Variants in ABL1 observed in about 807,000 individuals in gnomAD.
ABL1 encodes the protein tyrosine-protein kinase ABL1.
Under a neutral mutation model 94.7 loss-of-function variants are expected in ABL1, and 11 were observed. The ratio of observed to expected loss-of-function variants is 0.12; its 90% confidence interval spans 0.07 to 0.19. The LOEUF (loss-of-function observed/expected upper bound fraction) is 0.19, where lower values mean the gene tolerates loss of function less well. Among genes scored for constraint, ABL1 ranks in the 10% least tolerant of loss-of-function variants. The pLI is 1.00. For missense variants in ABL1, 1,082 were observed against 1,489.4 expected (o/e 0.73, Z 4.50); for synonymous variants, 656 against 622.4 (o/e 1.05, Z -0.80).
chr9:130,858,035 C>T (rs753383392), intron 3 of ABL1, among the ~76,000 whole-genome samples: 11 of 152,182 alleles, frequency 7.2e-5, no homozygotes, highest in Non-Finnish European at 1.2e-4. Flanking sequence ...TTTTCTGGAG[C>T]AGACAGCTTG....
chr9:130,722,200 C>T (rs1831525536), intron 1 of ABL1, among the ~76,000 whole-genome samples: 2 of 152,008 alleles, frequency 1.3e-5, no homozygotes, highest in African/African-American at 2.4e-5. Flanking sequence ...CGAGACCAGC[C>T]TGACCAACAT....
chr9:130,724,747 TAAAAAAA>T (rs34124679), intron 1 of ABL1: 40 of 310,220 alleles, frequency 1.3e-4, no homozygotes, highest in Middle Eastern at 2.7e-3. Context: ...ACCCTGTCTT[TAAAAAAA>T]AAAAAAAAAA....
At chr9:130,791,277 G>C (rs946595223) in intron 1 of ABL1, among the ~76,000 whole-genome samples, 4 of 152,178 alleles carry the variant, frequency 2.6e-5, no homozygotes, top group African/African-American at 9.7e-5. Context: ...AATAACTGTT[G>C]ATCTAGAATT....
At chr9:130,881,150 G>A (rs1831446002) in intron 10 of ABL1, among the ~76,000 whole-genome samples, 1 of 152,184 alleles carries the variant, frequency 6.6e-6, no homozygotes, top group African/African-American at 2.4e-5. Flanking sequence ...CATTGCCTAG[G>A]CGAGCAAGGG....
At chr9:130,716,515 A>G (rs939418467) in intron 1 of ABL1, among the ~76,000 whole-genome samples, 1 of 152,158 alleles carries the variant, frequency 6.6e-6, no homozygotes, top group African/African-American at 2.4e-5. Context: ...TGCATCAAGC[A>G]CTTCTGTACA....
At chr9:130,789,260 G>T (rs2132802924) in intron 1 of ABL1, among the ~76,000 whole-genome samples, 1 of 152,302 alleles carries the variant, frequency 6.6e-6, no homozygotes, top group Non-Finnish European at 1.5e-5. Flanking sequence ...GAATATTTCT[G>T]TCTGAGCTTT....
chr9:130,749,893 G>T (rs533499808), intron 1 of ABL1, among the ~76,000 whole-genome samples: 1 of 152,018 alleles, frequency 6.6e-6, no homozygotes, highest in Non-Finnish European at 1.5e-5. Context: ...TATTGCCAAG[G>T]CCGGGCACAG....
intron 1 of ABL1, among the ~76,000 whole-genome samples, chr9:130,773,944 T>G (rs1359121741): frequency 6.6e-6 from 1 of 152,216 alleles, no homozygotes; most frequent in Non-Finnish European, 1.5e-5. Flanking sequence ...TTTGTAATTC[T>G]TCCCTGATTT....
chr9:130,881,719 G>C (rs1472114589), intron 10 of ABL1, among the ~76,000 whole-genome samples: 2 of 152,110 alleles, frequency 1.3e-5, no homozygotes, highest in African/African-American at 4.8e-5. Context: ...GGTTCACAGA[G>C]GATCCTGGGG....
intron 1 of ABL1, among the ~76,000 whole-genome samples, chr9:130,793,533 C>T (rs1241786986): frequency 3.9e-5 from 6 of 152,174 alleles, no homozygotes; most frequent in African/African-American, 1.4e-4. Context: ...AAGTTTCAGA[C>T]TATTTTTTCT....
intron 1 of ABL1, among the ~76,000 whole-genome samples, chr9:130,848,375 A>G (rs1422165627): frequency 6.8e-6 from 1 of 146,852 alleles, no homozygotes; most frequent in Non-Finnish European, 1.5e-5. Context: ...AAACTTAGCC[A>G]GGCGCAGTGG....
exon 1 of ABL1, among the ~76,000 whole-genome samples, chr9:130,713,491 A>G (rs1831397098): frequency 1.3e-5 from 2 of 151,460 alleles, no homozygotes; most frequent in South Asian, 4.2e-4. Context: ...CTCAGCCCCA[A>G]GCCGCCCCTT....
intron 1 of ABL1, among the ~76,000 whole-genome samples, chr9:130,722,926 C>T (rs1036198521): frequency 2.0e-5 from 3 of 152,070 alleles, no homozygotes; most frequent in Admixed American, 1.3e-4. Flanking sequence ...AGGACAGAAC[C>T]GTGCTTGTGC....
intron 1 of ABL1, among the ~76,000 whole-genome samples, chr9:130,767,977 G>T (rs1308325148): frequency 6.6e-6 from 1 of 152,130 alleles, no homozygotes; most frequent in Non-Finnish European, 1.5e-5. Context: ...TGGAACCTAT[G>T]GATTTAAAAA....
At chr9:130,760,009 G>A (rs569304243) in intron 1 of ABL1, among the ~76,000 whole-genome samples, 13 of 127,012 alleles carry the variant, frequency 1.0e-4, no homozygotes, top group East Asian at 4.5e-4. Flanking sequence ...GTCCCACTAC[G>A]TTGTCCAGGC....
chr9:130,858,014 A>G lies in ABL1; in HGVS notation c.549+2918A>G, dbSNP rs530087477. Among the ~76,000 whole-genome samples the G allele has an allele frequency of 7.2e-5, 11 of 152,120 alleles. No individual in the cohort carries two copies. In the East Asian group the frequency reaches 1.4e-3, roughly 19 times the overall value. On this transcript the variant is annotated intron_variant, in intron 3 of 10. Transcript: ENST00000318560. ...ATCAGAACACCAGGGTGCACCGCCC[A>G]TGGGGGGTGATTTTCTGGAGCAGAC...
intron 1 of ABL1, among the ~76,000 whole-genome samples, chr9:130,798,509 C>T (rs1211387144): frequency 6.6e-6 from 1 of 152,148 alleles, no homozygotes; most frequent in Non-Finnish European, 1.5e-5. Flanking sequence ...TGGTATTTTC[C>T]AGCATGGCTT....
chr9:130,845,589 C>T (rs28462120), intron 1 of ABL1, among the ~76,000 whole-genome samples: 5,500 of 152,128 alleles, frequency 0.036, 345 homozygotes, highest in African/African-American at 0.12. Context: ...GCCACCACAC[C>T]TGGCCAGAAA....
chr9:130,735,956 TATA>T (rs1187613082), intron 1 of ABL1, among the ~76,000 whole-genome samples: 2,882 of 92,564 alleles, frequency 0.031, 104 homozygotes, highest in Admixed American at 0.076. Context: ...TATATATATA[TATA>T]TATTTTTTTT....
Sources: gnomAD v4.1 joint callset for allele counts (sites outside exome capture counted in the v4.1 genomes callset) on GRCh38, gnomAD v4.1.1 for gene constraint, MANE v1.5 for transcripts, NCBI Gene and HGNC (gene_info 2026-07-23, HGNC 2026-07-21) for gene names.